The following ADAMTS18 variants were observed in gnomAD, a reference collection of about 807,000 sequenced individuals.
The protein encoded by ADAMTS18 is ADAM metallopeptidase with thrombospondin type 1 motif 18.
In ADAMTS18, 157 loss-of-function variants were observed where a neutral mutation model predicts 165.9. That is an observed-to-expected ratio of 0.95 (90% confidence interval 0.83 to 1.08). ADAMTS18 has a LOEUF of 1.08. Ranked by LOEUF, ADAMTS18 falls within the 50% of genes least tolerant of loss-of-function variation. ADAMTS18 has a pLI of 0.00. For missense variants in ADAMTS18, 2,040 were observed against 1,534.0 expected (o/e 1.33, Z -5.51); for synonymous variants, 782 against 578.2 (o/e 1.35, Z -5.06).
At chr16:77,364,127 G>A in intron 5 of ADAMTS18, 61 bp downstream of exon 5, 3 of 1,601,442 alleles carry the variant, frequency 1.9e-6, no homozygotes, top group Non-Finnish European at 2.6e-6. Context: ...ACCCATGCAA[G>A]AGAATTCCAT....
At chr16:77,430,948 A>T (rs1484163989) in intron 3 of ADAMTS18, among the ~76,000 whole-genome samples, 1 of 152,164 alleles carries the variant, frequency 6.6e-6, no homozygotes, top group Non-Finnish European at 1.5e-5. Flanking sequence ...AGCCATGTAG[A>T]CGCATGAAGC....
intron 16 of ADAMTS18, among the ~76,000 whole-genome samples, chr16:77,317,215 T>A (rs140542854): frequency 1.3e-3 from 194 of 152,288 alleles, no homozygotes; most frequent in African/African-American, 4.3e-3. Context: ...CCTCCAACAC[T>A]CTAAGTTTCA....
chr16:77,364,161 CAGA>C, intron 5 of ADAMTS18, 24 bp downstream of exon 5: 1 of 1,613,782 alleles, frequency 6.2e-7, no homozygotes, highest in Non-Finnish European at 8.5e-7. Context: ...TTTGGAGAGC[CAGA>C]AGGTTTGTGA....
chr16:77,421,885 G>A (rs1035300246), intron 3 of ADAMTS18, among the ~76,000 whole-genome samples: 4 of 152,118 alleles, frequency 2.6e-5, no homozygotes, highest in East Asian at 1.9e-4. Context: ...AAATAAATAT[G>A]CAGTAATTAA....
chr16:77,362,174 G>C lies in ADAMTS18; in HGVS notation c.1147C>G (p.His383Asp). 6.2e-7 allele frequency: 1 copy of C among 1,614,066 alleles called. No homozygotes were observed. Among genetic ancestry groups the C allele is most frequent in the Non-Finnish European group, 8.5e-7 (1 of 1,179,962 alleles). The change falls in exon 7 of 23, where the codon CAT (histidine) becomes GAT (aspartate). Residue 383 changes from histidine to aspartate, a missense_variant. Physicochemically the swap from His to Asp is moderately conservative, Grantham distance 81. Coordinates refer to ENST00000282849, the MANE Select transcript of ADAMTS18 (RefSeq NM_199355.4). ...SALIGKNGKRHDHAILLTGFD... is the reference protein window; with the variant it reads ...SALIGKNGKRDDHAILLTGFD... The stretch of plus-strand genomic sequence containing the variant: ...CCTGTTAGTAAGATGGCATGATCAT[G>C]TCTCTTGCCATTCTTTCCAATGAGG...
intron 3 of ADAMTS18, among the ~76,000 whole-genome samples, chr16:77,379,907 G>C (rs75552556): frequency 0.086 from 13,120 of 152,216 alleles, 762 homozygotes; most frequent in East Asian, 0.25. Flanking sequence ...TCACGCAGCT[G>C]CATCACTGGG....
chr16:77,429,707 T>C (rs1036380105), intron 3 of ADAMTS18, among the ~76,000 whole-genome samples: 2 of 152,150 alleles, frequency 1.3e-5, no homozygotes, highest in African/African-American at 4.8e-5. Context: ...TTTGAGACAA[T>C]TGATAAGATT....
At chr16:77,395,057 A>C (rs1317176091) in intron 3 of ADAMTS18, among the ~76,000 whole-genome samples, 1 of 152,182 alleles carries the variant, frequency 6.6e-6, no homozygotes, top group Non-Finnish European at 1.5e-5. Flanking sequence ...TCAACAGCAG[A>C]GCTTCACAAC....
At chr16:77,372,958 T>C (rs1463510157) in intron 3 of ADAMTS18, among the ~76,000 whole-genome samples, 1 of 152,212 alleles carries the variant, frequency 6.6e-6, no homozygotes, top group Admixed American at 6.5e-5. Context: ...ATCAACTCCC[T>C]GCAGAACCTG....
intron 16 of ADAMTS18, among the ~76,000 whole-genome samples, chr16:77,302,367 G>C (rs1023294120): frequency 2.0e-5 from 3 of 152,038 alleles, no homozygotes; most frequent in Admixed American, 6.6e-5. Flanking sequence ...AAAATGCAGA[G>C]ACCTTGTACC....
chr16:77,348,689 C>T (rs959069715), intron 10 of ADAMTS18, among the ~76,000 whole-genome samples: 6 of 152,176 alleles, frequency 3.9e-5, no homozygotes, highest in African/African-American at 1.4e-4. Context: ...TCTGATATGA[C>T]ATCCAGCACA....
intron 9 of ADAMTS18, among the ~76,000 whole-genome samples, chr16:77,354,899 G>C (rs1397533341): frequency 6.6e-6 from 1 of 152,022 alleles, no homozygotes; most frequent in African/African-American, 2.4e-5. Context: ...AATAATTTTA[G>C]TCACCAAACC....
At position 77,295,717 on chromosome 16, in the gene ADAMTS18, C is replaced by G. The variant is rs536799412; in HGVS notation, c.2802-590G>C. Among the ~76,000 whole-genome samples, 11 of 152,252 alleles carry G rather than the reference C, an allele frequency of 7.2e-5. No individual in the cohort carries two copies. In the East Asian group the frequency reaches 1.9e-3, roughly 27 times the overall value. On this transcript the variant is annotated intron_variant, in intron 18 of 22. Coordinates refer to ENST00000282849, the MANE Select transcript of ADAMTS18 (RefSeq NM_199355.4). Reference sequence around the variant, plus strand: ...GTGGGTACTTCCCCAAATTACTTTTCTGATTACACCTGAATTTAGTGATAG... The same window carrying G: ...GTGGGTACTTCCCCAAATTACTTTTGTGATTACACCTGAATTTAGTGATAG...
intron 4 of ADAMTS18, among the ~76,000 whole-genome samples, chr16:77,365,939 G>T (rs1413880115): frequency 6.6e-6 from 1 of 152,140 alleles, no homozygotes; most frequent in Non-Finnish European, 1.5e-5. Context: ...GTAAAGATTT[G>T]CTTTGATGTC....
chr16:77,331,223 T>C (rs1015514243), intron 12 of ADAMTS18, among the ~76,000 whole-genome samples: 2 of 151,984 alleles, frequency 1.3e-5, no homozygotes, highest in African/African-American at 4.8e-5. Flanking sequence ...ATGAGAGAGG[T>C]TTTAATTTAA....
At chr16:77,369,199 T>C (rs2056842077) in intron 3 of ADAMTS18, among the ~76,000 whole-genome samples, 1 of 152,234 alleles carries the variant, frequency 6.6e-6, no homozygotes, top group African/African-American at 2.4e-5. Flanking sequence ...GTATCAGTTA[T>C]GTCACATTTT....
intron 4 of ADAMTS18, 125 bp downstream of exon 4, chr16:77,367,316 C>A: frequency 9.6e-7 from 1 of 1,041,124 alleles, no homozygotes; most frequent in Non-Finnish European, 1.5e-6. Flanking sequence ...ATTACTGGTC[C>A]TACACCAAGA....
intron 3 of ADAMTS18, among the ~76,000 whole-genome samples, chr16:77,390,615 G>A (rs557060452): frequency 1.3e-5 from 2 of 151,910 alleles, no homozygotes; most frequent in East Asian, 3.9e-4. Context: ...GCCTGAACCC[G>A]GCAGACGGAG....
At chr16:77,288,922 T>G (rs1007865759) in intron 22 of ADAMTS18, among the ~76,000 whole-genome samples, 2 of 152,082 alleles carry the variant, frequency 1.3e-5, no homozygotes, top group African/African-American at 2.4e-5. Flanking sequence ...CTGTCTCTAC[T>G]AAAAATTCAA....
Sources: gnomAD v4.1 joint callset for allele counts (sites outside exome capture counted in the v4.1 genomes callset) on GRCh38, gnomAD v4.1.1 for gene constraint, MANE v1.5 for transcripts, NCBI Gene and HGNC (gene_info 2026-07-23, HGNC 2026-07-21) for gene names.